The following SEMA3A variants were observed in gnomAD, a reference collection of about 807,000 sequenced individuals.
The protein encoded by SEMA3A is semaphorin-3A.
In SEMA3A, 29 loss-of-function variants were observed where a neutral mutation model predicts 97.9. The ratio of observed to expected loss-of-function variants is 0.30; its 90% CI spans 0.22 to 0.40. SEMA3A has a LOEUF of 0.40. Among genes scored for constraint, SEMA3A ranks in the 10% least tolerant of loss-of-function variants. The pLI, the probability that SEMA3A is intolerant of heterozygous loss-of-function variation, is 1.00. For synonymous variants in SEMA3A, 321 were observed against 323.7 expected, an observed-to-expected ratio of 0.99 and a Z score of 0.09; for missense variants, 763 against 951.3, an observed-to-expected ratio of 0.80 and a Z score of 2.60.
chr7:84,055,088 G>C (rs1208480831), intron 5 of SEMA3A, among the ~76,000 whole-genome samples: 1 of 152,016 alleles, frequency 6.6e-6, no homozygotes, highest in Non-Finnish European at 1.5e-5. Flanking sequence ...CGTGCTGGGA[G>C]AACCACTGCT....
chr7:84,446,617 T>C (rs550462069), intron 1 of SEMA3A, among the ~76,000 whole-genome samples: 4 of 152,332 alleles, frequency 2.6e-5, no homozygotes, highest in South Asian at 2.1e-4. Context: ...CATTACTTCA[T>C]GATAAAAACA....
At chr7:84,014,952 T>TTGAGCCACCGCGCCCGGCC (rs1791039668) in intron 6 of SEMA3A, among the ~76,000 whole-genome samples, 1 of 152,074 alleles carries the variant, frequency 6.6e-6, no homozygotes, top group Non-Finnish European at 1.5e-5. Context: ...TTATCATGAT[T>TTGAGCCACCGCGCCCGGCC]TCTTACCACA....
chr7:84,441,285 G>C (rs1805267688), intron 1 of SEMA3A, among the ~76,000 whole-genome samples: 1 of 151,696 alleles, frequency 6.6e-6, no homozygotes, highest in Admixed American at 6.6e-5. Flanking sequence ...AAAACTAAAA[G>C]AAGATATTAG....
At chr7:84,389,189 G>C (rs1803477819) in intron 1 of SEMA3A, among the ~76,000 whole-genome samples, 2 of 151,928 alleles carry the variant, frequency 1.3e-5, no homozygotes, top group African/African-American at 4.8e-5. Context: ...GAATTTTCTG[G>C]ATTAGATAAA....
At chr7:84,429,547 T>TAGAG (rs1804921533) in intron 1 of SEMA3A, among the ~76,000 whole-genome samples, 1 of 115,946 alleles carries the variant, frequency 8.6e-6, no homozygotes, top group Non-Finnish European at 1.7e-5. Flanking sequence ...TATATATATA[T>TAGAG]AGCGAGAGAG....
chr7:84,381,680 T>A (rs1042650243), intron 1 of SEMA3A, among the ~76,000 whole-genome samples: 1 of 152,176 alleles, frequency 6.6e-6, no homozygotes. Context: ...TGCTATGGTA[T>A]GTAAAGCCAA....
chr7:83,957,096 C>T lies in SEMA3A; in HGVS notation c.*4275G>A, dbSNP rs1788302026. 6.6e-6 allele frequency: 1 copy of T among 152,396 alleles called. No individual in the cohort carries two copies. The highest frequency in any genetic ancestry group is 6.6e-5 in the Admixed American group (1 of 15,242). 9.4% of individuals were successfully genotyped at this position (152,396 alleles called of 1,614,324 possible). A position where few individuals can be genotyped will look rare whatever the true frequency, so the allele number is the denominator to read the frequency against. On this transcript the variant is annotated 3_prime_UTR_variant, in exon 17 of 17. Transcript: ENST00000265362. Reference sequence around the variant, plus strand: ...ATCCTGCCCTCAAGGAGCTCACAGTCTAGAAATGGAGATGGAAACATAAAC... The same window carrying T: ...ATCCTGCCCTCAAGGAGCTCACAGTTTAGAAATGGAGATGGAAACATAAAC...
At chr7:84,473,236 A>G (rs1806199319) in intron 1 of SEMA3A, among the ~76,000 whole-genome samples, 1 of 151,110 alleles carries the variant, frequency 6.6e-6, no homozygotes, top group African/African-American at 2.4e-5. Context: ...AGGTTTTATT[A>G]TAAATTTTTG....
chr7:84,220,978 T>A (rs1175678870), intron 3 of SEMA3A, among the ~76,000 whole-genome samples: 2 of 152,172 alleles, frequency 1.3e-5, no homozygotes, highest in Non-Finnish European at 2.9e-5. Flanking sequence ...TCTCCCTAGC[T>A]ATCAAAATCT....
chr7:84,013,593 C>T (rs1020330265), intron 7 of SEMA3A, among the ~76,000 whole-genome samples: 3 of 149,176 alleles, frequency 2.0e-5, no homozygotes, highest in Admixed American at 6.6e-5. Context: ...CAGTGGTTCA[C>T]GCCTGTAATC....
chr7:84,138,746 CG>C (rs1017845850), intron 1 of SEMA3A, among the ~76,000 whole-genome samples: 7 of 152,054 alleles, frequency 4.6e-5, no homozygotes, highest in Admixed American at 1.3e-4. Context: ...TTCTCCAACA[CG>C]AGATTTTTAT....
intron 4 of SEMA3A, among the ~76,000 whole-genome samples, chr7:84,062,303 T>C (rs952319352): frequency 1.3e-5 from 2 of 152,126 alleles, no homozygotes; most frequent in Non-Finnish European, 2.9e-5. Context: ...ATCATAGGCA[T>C]TTAAATATTA....
intron 6 of SEMA3A, among the ~76,000 whole-genome samples, chr7:84,040,638 T>C (rs1187587511): frequency 6.6e-6 from 1 of 152,052 alleles, no homozygotes; most frequent in Non-Finnish European, 1.5e-5. Context: ...GGCATCCACT[T>C]CTCTTGGTAA....
chr7:83,993,962 G>A (rs1298063720), intron 12 of SEMA3A, among the ~76,000 whole-genome samples: 5 of 123,942 alleles, frequency 4.0e-5, no homozygotes, highest in Admixed American at 8.8e-5. Flanking sequence ...CCAATCAGAC[G>A]TAGATTTGGT....
chr7:84,279,247 C>CTTAAGATAACTTGA lies in SEMA3A; in HGVS notation c.-83+27946_-83+27959dup, dbSNP rs1377659508. On this transcript the variant is annotated intron_variant, in intron 3 of 3. Coordinates refer to the SEMA3A transcript ENST00000424555. ...TGGCAGTGACCAGGTTACTTGGTCA[C>CTTAAGATAACTTGA]TTAAGATAACTTGATTAAGATAACC... Among the ~76,000 whole-genome samples the CTTAAGATAACTTGA allele has an allele frequency of 3.3e-5, 5 of 152,124 alleles. 1 individual carries two copies. The highest frequency in any genetic ancestry group is 1.2e-4 in the African/African-American group (5 of 41,524).
chr7:84,371,009 G>A, intron 2 of SEMA3A, among the ~76,000 whole-genome samples: 1 of 149,692 alleles, frequency 6.7e-6, no homozygotes, highest in African/African-American at 2.5e-5. Context: ...AGAGGGAGGA[G>A]GTAAATAGGT....
At chr7:84,083,692 C>A (rs574825831) in intron 4 of SEMA3A, among the ~76,000 whole-genome samples, 1 of 151,926 alleles carries the variant, frequency 6.6e-6, no homozygotes, top group African/African-American at 2.4e-5. Flanking sequence ...TCAAATAATA[C>A]CAAAATAATG....
intron 1 of SEMA3A, among the ~76,000 whole-genome samples, chr7:84,405,775 C>A (rs561043568): frequency 2.0e-5 from 3 of 152,278 alleles, no homozygotes; most frequent in South Asian, 2.1e-4. Context: ...GGAAACTGAA[C>A]AACAACATGC....
chr7:84,163,069 T>C (rs1184942150), intron 1 of SEMA3A, among the ~76,000 whole-genome samples: 1 of 152,148 alleles, frequency 6.6e-6, no homozygotes, highest in African/African-American at 2.4e-5. Flanking sequence ...GCAAGATAAA[T>C]ACCACTAACT....
Sources: gnomAD v4.1 joint callset for allele counts (sites outside exome capture counted in the v4.1 genomes callset) on GRCh38, gnomAD v4.1.1 for gene constraint, MANE v1.5 for transcripts, NCBI Gene and HGNC (gene_info 2026-07-23, HGNC 2026-07-21) for gene names.